Variants in AGBL4 observed in about 807,000 individuals in gnomAD.
AGBL4 encodes cytosolic carboxypeptidase 6.
Under a neutral mutation model 66.4 loss-of-function variants are expected in AGBL4, and 58 were observed. That is an observed-to-expected ratio of 0.87 (90% CI 0.71 to 1.09). The LOEUF (loss-of-function observed/expected upper bound fraction) is 1.09, where lower values mean the gene tolerates loss of function less well. Among genes scored for constraint, AGBL4 ranks in the 50% least tolerant of loss-of-function variants. The pLI is 0.00. For missense variants in AGBL4, 579 were observed against 631.0 expected (o/e 0.92, Z 0.88); for synonymous variants, 234 against 222.9 (o/e 1.05, Z -0.44).
At chr1:49,867,513 C>T (rs1444581714) in intron 1 of AGBL4, among the ~76,000 whole-genome samples, 6 of 135,556 alleles carry the variant, frequency 4.4e-5, no homozygotes, top group African/African-American at 8.3e-5. Flanking sequence ...CAACAGGCCC[C>T]GGTGTGTAAT....
At chr1:49,163,765 T>C (rs755442596) in intron 4 of AGBL4, among the ~76,000 whole-genome samples, 1 of 152,130 alleles carries the variant, frequency 6.6e-6, no homozygotes, top group Non-Finnish European at 1.5e-5. Flanking sequence ...AAGAGATAGT[T>C]TACCAGGTTT....
At chr1:49,265,767 A>T (rs1643905981) in intron 3 of AGBL4, among the ~76,000 whole-genome samples, 1 of 152,294 alleles carries the variant, frequency 6.6e-6, no homozygotes, top group East Asian at 1.9e-4. Flanking sequence ...TATACATTAC[A>T]TACAATTTAT....
intron 2 of AGBL4, among the ~76,000 whole-genome samples, chr1:49,776,242 T>A (rs1184389077): frequency 6.6e-6 from 1 of 152,154 alleles, no homozygotes; most frequent in East Asian, 1.9e-4. Flanking sequence ...TTTCTCTCCA[T>A]CTTTGTTGTC....
chr1:49,852,569 C>T (rs764722505), intron 1 of AGBL4, among the ~76,000 whole-genome samples: 2 of 152,002 alleles, frequency 1.3e-5, no homozygotes, highest in Non-Finnish European at 2.9e-5. Flanking sequence ...GGCATGAAGT[C>T]TCTTATGGGA....
At chr1:49,329,803 C>A (rs1414436168) in intron 3 of AGBL4, among the ~76,000 whole-genome samples, 8 of 152,150 alleles carry the variant, frequency 5.3e-5, no homozygotes, top group Non-Finnish European at 1.0e-4. Context: ...TTGTCATTAA[C>A]CGTGGAAATA....
At chr1:48,541,783 A>T (rs958900773) in intron 11 of AGBL4, among the ~76,000 whole-genome samples, 4 of 152,236 alleles carry the variant, frequency 2.6e-5, no homozygotes, top group Non-Finnish European at 5.9e-5. Context: ...AAAAAAATAA[A>T]AAAATAAAAT....
Position 49,398,333 on chromosome 1 carries a change from T to TTCTC in AGBL4, c.283-152473_283-152470dup, listed in dbSNP as rs36025670. ...TCAGTCTCTCTCTCCCTCTCTCTCTTTCTCTCTCTCTCTCTCTCTCTCTCT... is the reference window on the plus strand; with the variant it reads ...TCAGTCTCTCTCTCCCTCTCTCTCTTTCTCTCTCTCTCTCTCTCTCTCTCTCTCT... On this transcript the variant is annotated intron_variant, in intron 3 of 13. Transcript: ENST00000371839. Among the ~76,000 whole-genome samples the TTCTC allele has an allele frequency of 4.8e-3, 684 of 143,700 alleles. 8 individuals are homozygous for TTCTC. The highest frequency in any genetic ancestry group is 0.014 in the East Asian group (62 of 4,510). The allele number at this position is 143,700 out of a possible 152,430, so 94.3% of individuals were successfully genotyped here.
intron 4 of AGBL4, among the ~76,000 whole-genome samples, chr1:49,157,460 T>C (rs958954494): frequency 6.6e-6 from 1 of 152,202 alleles, no homozygotes; most frequent in African/African-American, 2.4e-5. Flanking sequence ...ATGGGCCACA[T>C]TTTCTTTATC....
chr1:49,198,594 C>A (rs1339483892), intron 4 of AGBL4, among the ~76,000 whole-genome samples: 1 of 152,112 alleles, frequency 6.6e-6, no homozygotes, highest in Non-Finnish European at 1.5e-5. Context: ...TCCACCTCAG[C>A]CTCCCAAAGT....
chr1:49,285,781 T>C (rs886547050), intron 3 of AGBL4, among the ~76,000 whole-genome samples: 1 of 152,118 alleles, frequency 6.6e-6, no homozygotes, highest in Non-Finnish European at 1.5e-5. Flanking sequence ...AAGAAATGGA[T>C]AAATTCCTCC....
At chr1:49,736,745 A>T (rs778112061) in intron 2 of AGBL4, among the ~76,000 whole-genome samples, 1 of 152,162 alleles carries the variant, frequency 6.6e-6, no homozygotes, top group Non-Finnish European at 1.5e-5. Context: ...ATAGAATGGG[A>T]GAAGATACTT....
intron 2 of AGBL4, among the ~76,000 whole-genome samples, chr1:49,781,262 T>C (rs1644330129): frequency 6.6e-6 from 1 of 151,948 alleles, no homozygotes; most frequent in South Asian, 2.1e-4. Context: ...GGTGTAGTGG[T>C]GTACACCTAT....
chr1:48,560,273 C>T (rs1356607478), intron 11 of AGBL4, among the ~76,000 whole-genome samples: 1 of 152,172 alleles, frequency 6.6e-6, no homozygotes, highest in Non-Finnish European at 1.5e-5. Context: ...GGTATGTGTC[C>T]TTGAGATGCT....
rs1019083193 is a variant in AGBL4 at position 49,504,171 on chromosome 1, C to A, written c.282+193142G>T. On this transcript the variant is annotated intron_variant, in intron 3 of 13. Transcript: ENST00000371839. ...GAGCTGATAGTTTTATAATCATTGG[C>A]ATCTCTCCTGCTTGCACTCACTTCG... Among the ~76,000 whole-genome samples the A allele has an allele frequency of 1.6e-4, 24 of 152,150 alleles. 1 individual carries two copies. Among genetic ancestry groups the A allele is most frequent in the Admixed American group, 7.2e-4 (11 of 15,280 alleles).
At chr1:49,943,041 C>G (rs1011617570) in intron 1 of AGBL4, among the ~76,000 whole-genome samples, 3 of 152,028 alleles carry the variant, frequency 2.0e-5, no homozygotes, top group Non-Finnish European at 4.4e-5. Context: ...ATTCAAATGA[C>G]CAGCAGGCAG....
rs114709973 is a variant in AGBL4 at position 49,794,301 on chromosome 1, T to C, written c.157+57095A>G. Reference sequence around the variant, plus strand: ...TATAAGTTCTCCCCATAACAAAAAATTGAAAACGGATTTAAGTTAAATTAC... The same window carrying C: ...TATAAGTTCTCCCCATAACAAAAAACTGAAAACGGATTTAAGTTAAATTAC... On this transcript the variant is annotated intron_variant, in intron 2 of 13. Transcript: ENST00000371839. Among the ~76,000 whole-genome samples, 1,159 of 151,974 alleles carry C rather than the reference T, an allele frequency of 7.6e-3. 13 individuals are homozygous for C. Among genetic ancestry groups the C allele is most frequent in the African/African-American group, 0.026 (1,076 of 41,532 alleles).
chr1:49,979,682 C>T (rs1363736554), intron 1 of AGBL4, among the ~76,000 whole-genome samples: 4 of 152,180 alleles, frequency 2.6e-5, no homozygotes, highest in African/African-American at 9.6e-5. Context: ...TGACACTAAT[C>T]ATCTCTGCAT....
At chr1:49,593,634 G>T (rs929796400) in intron 3 of AGBL4, among the ~76,000 whole-genome samples, 1 of 152,156 alleles carries the variant, frequency 6.6e-6, no homozygotes, top group African/African-American at 2.4e-5. Context: ...GTCGCTATAT[G>T]AACCCAGCGC....
rs201580756 is a variant in AGBL4 at position 49,523,956 on chromosome 1, C to CCAT, written c.282+173354_282+173356dup. Reference sequence around the variant, plus strand: ...GTTCAGACAATGATGAGCATTATCACCATCATCATCATCATCATCATCATC... The same window carrying CCAT: ...GTTCAGACAATGATGAGCATTATCACCATCATCATCATCATCATCATCATCATC... On this transcript the variant is annotated intron_variant, in intron 3 of 13. Transcript: ENST00000371839. Among the ~76,000 whole-genome samples, 962 of 150,980 alleles carry CCAT rather than the reference C, an allele frequency of 6.4e-3. 9 individuals carry two copies. The highest frequency in any genetic ancestry group is 7.7e-3 in the African/African-American group (315 of 41,104).
Sources: gnomAD v4.1 joint callset for allele counts (sites outside exome capture counted in the v4.1 genomes callset) on GRCh38, gnomAD v4.1.1 for gene constraint, MANE v1.5 for transcripts, NCBI Gene and HGNC (gene_info 2026-07-23, HGNC 2026-07-21) for gene names.